Variants in RORB observed in about 807,000 individuals in gnomAD.
RORB encodes nuclear receptor ROR-beta.
In RORB, 6 loss-of-function variants were observed where a neutral mutation model predicts 59.1. The observed-to-expected ratio is 0.10, with a 90% CI of 0.06 to 0.20. RORB has a LOEUF of 0.20. RORB is among the 10% of genes least tolerant of loss of function. The pLI is 1.00. For missense variants in RORB, 320 were observed against 560.5 expected, an observed-to-expected ratio of 0.57 and a Z score of 4.33; for synonymous variants, 215 against 204.5, an observed-to-expected ratio of 1.05 and a Z score of -0.44.
At chr9:74,573,221 A>G (rs957661255) in intron 1 of RORB, among the ~76,000 whole-genome samples, 1 of 152,140 alleles carries the variant, frequency 6.6e-6, no homozygotes, top group Non-Finnish European at 1.5e-5. Flanking sequence ...ATTAACTGGC[A>G]CATCTTGTAA....
intron 1 of RORB, among the ~76,000 whole-genome samples, chr9:74,518,729 C>G (rs952400838): frequency 6.6e-6 from 1 of 151,930 alleles, no homozygotes; most frequent in South Asian, 2.1e-4. Context: ...TTTGAGGGAA[C>G]AGGAGCTTTT....
At chr9:74,502,276 T>C (rs1202643098) in intron 1 of RORB, among the ~76,000 whole-genome samples, 1 of 152,128 alleles carries the variant, frequency 6.6e-6, no homozygotes, top group East Asian at 1.9e-4. Context: ...TTGGTCTTCA[T>C]GAAAATGACA....
intron 1 of RORB, among the ~76,000 whole-genome samples, chr9:74,510,653 A>T (rs749067303): frequency 1.3e-4 from 20 of 152,192 alleles, no homozygotes; most frequent in African/African-American, 9.6e-5. Flanking sequence ...ATGAATAGGA[A>T]TGTGTCCAGA....
At chr9:74,520,707 T>C (rs1195499431) in intron 1 of RORB, among the ~76,000 whole-genome samples, 2 of 151,918 alleles carry the variant, frequency 1.3e-5, no homozygotes, top group Non-Finnish European at 2.9e-5. Context: ...CTACCTAGAA[T>C]TTAATATGCC....
At chr9:74,511,602 T>C (rs746452692) in intron 1 of RORB, among the ~76,000 whole-genome samples, 3 of 147,694 alleles carry the variant, frequency 2.0e-5, no homozygotes, top group Non-Finnish European at 4.5e-5. Context: ...CTCATCTATA[T>C]AGCAAAAGAA....
At chr9:74,534,569 A>C (rs1826292706) in intron 1 of RORB, among the ~76,000 whole-genome samples, 1 of 151,984 alleles carries the variant, frequency 6.6e-6, no homozygotes, top group Non-Finnish European at 1.5e-5. Flanking sequence ...TTTTAATGAC[A>C]GATGCTAATT....
In RORB at chr9:74,585,306, G is replaced by A. The variant is rs528548199; in HGVS notation, c.8-44976G>A. 2.0e-5 allele frequency among the ~76,000 whole-genome samples: 3 copies of A among 152,192 alleles called. No individual in the cohort carries two copies. In the East Asian group the frequency reaches 5.8e-4, roughly 29 times the overall value. ...CAAATTTTGGGAACTACTCTCCCTAGCATAATCTCAAAATATATCAAGGAC... is the reference window on the plus strand; with the variant it reads ...CAAATTTTGGGAACTACTCTCCCTAACATAATCTCAAAATATATCAAGGAC... On this transcript the variant is annotated intron_variant, in intron 1 of 9. Coordinates refer to ENST00000376896, the MANE Select transcript of RORB (RefSeq NM_006914.4).
intron 9 of RORB, among the ~76,000 whole-genome samples, chr9:74,679,457 G>C (rs1385393596): frequency 6.6e-6 from 1 of 152,114 alleles, no homozygotes; most frequent in Non-Finnish European, 1.5e-5. Flanking sequence ...ACTAATGCAA[G>C]AATAGGCAAA....
At chr9:74,553,872 A>G (rs539243831) in intron 1 of RORB, among the ~76,000 whole-genome samples, 290 of 152,302 alleles carry the variant, frequency 1.9e-3, no homozygotes, top group Middle Eastern at 3.4e-3. Flanking sequence ...ATATGCAACC[A>G]TCTAGAACTG....
chr9:74,536,240 G>A (rs935652261), intron 1 of RORB, among the ~76,000 whole-genome samples: 1 of 151,896 alleles, frequency 6.6e-6, no homozygotes, highest in African/African-American at 2.4e-5. Context: ...CTAAAAAAGG[G>A]CGGGGGCTAA....
chr9:74,629,123 C>T (rs1823572972), intron 1 of RORB, among the ~76,000 whole-genome samples: 3 of 151,946 alleles, frequency 2.0e-5, no homozygotes, highest in Admixed American at 2.0e-4. Flanking sequence ...TATAATCTAG[C>T]TTCTGCCTTT....
At chr9:74,607,110 C>T (rs757269588) in intron 1 of RORB, among the ~76,000 whole-genome samples, 1 of 152,144 alleles carries the variant, frequency 6.6e-6, no homozygotes, top group Non-Finnish European at 1.5e-5. Flanking sequence ...GCTCATCCTG[C>T]GATGTTGCAT....
chr9:74,629,487 C>G (rs149970156), intron 1 of RORB, among the ~76,000 whole-genome samples: 1 of 152,016 alleles, frequency 6.6e-6, no homozygotes, highest in Non-Finnish European at 1.5e-5. Flanking sequence ...GGCCTCCAAT[C>G]TTTTTTCATT....
chr9:74,673,667 A>G (rs896868779), intron 9 of RORB, among the ~76,000 whole-genome samples: 5 of 152,190 alleles, frequency 3.3e-5, no homozygotes, highest in African/African-American at 4.8e-5. Context: ...CAAGAAAGAA[A>G]ATTATGTCAA....
chr9:74,533,152 C>T (rs559443217), intron 1 of RORB, among the ~76,000 whole-genome samples: 8 of 151,802 alleles, frequency 5.3e-5, no homozygotes, highest in Non-Finnish European at 8.8e-5. Context: ...ACCTCTGCTC[C>T]ACACAAACAT....
At chr9:74,519,421 A>G in intron 1 of RORB, among the ~76,000 whole-genome samples, 1 of 152,014 alleles carries the variant, frequency 6.6e-6, no homozygotes, top group East Asian at 1.9e-4. Context: ...ACAATGGACT[A>G]GAAGAGATCC....
intron 2 of RORB, 126 bp downstream of exon 2, chr9:74,630,493 G>C (rs1280067108): frequency 2.6e-5 from 9 of 345,848 alleles, no homozygotes; most frequent in East Asian, 1.3e-4. Context: ...TGACATTCAG[G>C]AATTCTTGCG....
At chr9:74,557,663 A>T (rs1587358484) in intron 1 of RORB, among the ~76,000 whole-genome samples, 1 of 152,120 alleles carries the variant, frequency 6.6e-6, no homozygotes, top group African/African-American at 2.4e-5. Flanking sequence ...TATCATTGTT[A>T]ACATGGCTTT....
chr9:74,527,087 C>T (rs1826165670), intron 1 of RORB, among the ~76,000 whole-genome samples: 1 of 151,972 alleles, frequency 6.6e-6, no homozygotes, highest in Non-Finnish European at 1.5e-5. Context: ...CCAAAAGACT[C>T]ATGAGAATTT....
Sources: gnomAD v4.1 joint callset for allele counts (sites outside exome capture counted in the v4.1 genomes callset) on GRCh38, gnomAD v4.1.1 for gene constraint, MANE v1.5 for transcripts, NCBI Gene and HGNC (gene_info 2026-07-23, HGNC 2026-07-21) for gene names.